The following KBTBD12 variants were observed in gnomAD, a reference collection of about 807,000 sequenced individuals.
KBTBD12 encodes kelch repeat and BTB domain containing 12, also known as kelch repeat and BTB domain-containing protein 12.
KBTBD12 carries 53 observed loss-of-function variants against 58.7 expected under a neutral mutation model. The ratio of observed to expected loss-of-function variants is 0.90; its 90% confidence interval spans 0.72 to 1.14. KBTBD12 has a LOEUF of 1.14. Ranked by LOEUF, KBTBD12 falls within the 50% of genes most tolerant of loss-of-function variation. KBTBD12 has a pLI of 0.00. For missense variants in KBTBD12, 704 were observed against 751.3 expected, an observed-to-expected ratio of 0.94 and a Z score of 0.74; for synonymous variants, 236 against 259.8, an observed-to-expected ratio of 0.91 and a Z score of 0.88.
rs927840019 is a variant in KBTBD12, at chr3:127,984,407, G to A, written c.*129G>A. 2.3e-6 allele frequency: 2 copies of A among 869,488 alleles called. No homozygotes were observed. The highest frequency in any genetic ancestry group is 3.5e-6 in the Non-Finnish European group (2 of 570,004). 53.9% of individuals were successfully genotyped at this position (869,488 alleles called of 1,614,324 possible). A position where few individuals can be genotyped will look rare whatever the true frequency, so the allele number is the denominator to read the frequency against. On this transcript the variant is annotated 3_prime_UTR_variant, in exon 6 of 6. Transcript: ENST00000405109. The stretch of plus-strand genomic sequence containing the variant: ...AGTGGCCTGTGTGTGAAGAAGCAGT[G>A]TGTGCTGGGCACTGGGTGGGGAGCA...
rs1283967498 is a variant in KBTBD12, at chr3:127,956,562, A to G, written c.1493-6627A>G. Among the ~76,000 whole-genome samples, 7 of 152,174 alleles carry G rather than the reference A, an allele frequency of 4.6e-5. No individual in the cohort carries two copies. The East Asian group carries it at 1.2e-3, about 25-fold the overall frequency. On this transcript the variant is annotated intron_variant, in intron 4 of 5. Coordinates refer to ENST00000405109, the MANE Select transcript of KBTBD12 (RefSeq NM_207335.4). ...TTTTAGATTGCTTAAATTAACTACAAGTTTAAAATGTGTTTGATTCTGAAA... is the reference window on the plus strand; with the variant it reads ...TTTTAGATTGCTTAAATTAACTACAGGTTTAAAATGTGTTTGATTCTGAAA...
chr3:127,915,789 C>T (rs1181017994), intron 1 of KBTBD12, among the ~76,000 whole-genome samples: 3 of 152,352 alleles, frequency 2.0e-5, no homozygotes, highest in South Asian at 2.1e-4. Context: ...CCATCTCTGC[C>T]GTCTCCGACC....
At chr3:127,924,192 A>G in intron 2 of KBTBD12, 61 bp downstream of exon 2, 1 of 1,021,274 alleles carries the variant, frequency 9.8e-7, no homozygotes, top group Non-Finnish European at 1.5e-6. Context: ...GCAGTAGAAG[A>G]AAGAACTGCA....
rs78073974 is a variant in KBTBD12 at position 127,947,682 on chromosome 3, G to A, written c.1493-15507G>A. On this transcript the variant is annotated intron_variant, in intron 4 of 5. Coordinates refer to ENST00000405109, the MANE Select transcript of KBTBD12 (RefSeq NM_207335.4). Reference sequence around the variant, plus strand: ...ATCAGTGCTTTTGAGGAGAAAGTTGGCCACATGTTTGAGGTTCCTCTGTGC... The same window carrying A: ...ATCAGTGCTTTTGAGGAGAAAGTTGACCACATGTTTGAGGTTCCTCTGTGC... 8.3e-3 allele frequency among the ~76,000 whole-genome samples: 1,267 copies of A among 152,234 alleles called. 16 individuals carry two copies. The highest frequency in any genetic ancestry group is 0.027 in the African/African-American group (1,132 of 41,554).
At chr3:127,930,570 T>C (rs1241510713) in intron 4 of KBTBD12, among the ~76,000 whole-genome samples, 2 of 152,184 alleles carry the variant, frequency 1.3e-5, no homozygotes, top group Admixed American at 1.3e-4. Flanking sequence ...TAATATACTT[T>C]GAAATAGGAA....
intron 4 of KBTBD12, among the ~76,000 whole-genome samples, chr3:127,955,242 C>T (rs920658697): frequency 2.6e-5 from 4 of 152,104 alleles, no homozygotes; most frequent in Non-Finnish European, 4.4e-5. Flanking sequence ...TTGAGTTTTC[C>T]CACATAGCTA....
At chr3:127,955,486 T>A (rs1940300916) in intron 4 of KBTBD12, among the ~76,000 whole-genome samples, 1 of 152,254 alleles carries the variant, frequency 6.6e-6, no homozygotes, top group Non-Finnish European at 1.5e-5. Context: ...GGTAAGATTT[T>A]ACCCTTTTCT....
intron 5 of KBTBD12, among the ~76,000 whole-genome samples, chr3:127,965,021 C>G (rs1228547546): frequency 2.0e-5 from 3 of 152,198 alleles, no homozygotes; most frequent in Non-Finnish European, 4.4e-5. Flanking sequence ...GCTGTGCCCA[C>G]TCATGCGGCA....
At chr3:127,947,994 T>A (rs1940121172) in intron 4 of KBTBD12, among the ~76,000 whole-genome samples, 1 of 152,238 alleles carries the variant, frequency 6.6e-6, no homozygotes, top group Non-Finnish European at 1.5e-5. Flanking sequence ...TTATGATCAC[T>A]GGCCTTCCAT....
chr3:127,918,897 G>A (rs1028421086), intron 1 of KBTBD12, among the ~76,000 whole-genome samples: 2 of 152,136 alleles, frequency 1.3e-5, no homozygotes, highest in Admixed American at 6.5e-5. Flanking sequence ...AAACAGGCCC[G>A]GGATATTTTT....
At chr3:127,918,478 C>T (rs145187177) in intron 1 of KBTBD12, among the ~76,000 whole-genome samples, 8,600 of 152,148 alleles carry the variant, frequency 0.057, 275 homozygotes, top group East Asian at 0.097. Context: ...TTTGGGAGGC[C>T]GAGGCGGGCA....
At chr3:127,972,526 G>A (rs1021450815) in intron 5 of KBTBD12, among the ~76,000 whole-genome samples, 1 of 152,168 alleles carries the variant, frequency 6.6e-6, no homozygotes. Context: ...AACATGTTTG[G>A]TTCCAGCCCT....
At chr3:127,948,165 C>T (rs1940124290) in intron 4 of KBTBD12, among the ~76,000 whole-genome samples, 1 of 152,190 alleles carries the variant, frequency 6.6e-6, no homozygotes, top group South Asian at 2.1e-4. Context: ...TACTAAGTAG[C>T]ATAGCAGTAA....
At chr3:127,940,493 T>G (rs1229797229) in intron 4 of KBTBD12, among the ~76,000 whole-genome samples, 1 of 152,094 alleles carries the variant, frequency 6.6e-6, no homozygotes. Flanking sequence ...AGACGAAATC[T>G]CAAGAGAAAT....
chr3:127,941,254 T>A (rs7623739), intron 4 of KBTBD12, among the ~76,000 whole-genome samples: 89,613 of 152,008 alleles, frequency 0.59, 27,471 homozygotes, highest in African/African-American at 0.76. Flanking sequence ...AATATCACTC[T>A]TAAACACAAA....
chr3:127,984,028 A>T (rs541313935), intron 5 of KBTBD12, 69 bp from the exon 6 acceptor site: 84 of 1,247,948 alleles, frequency 6.7e-5, no homozygotes, highest in Non-Finnish European at 9.5e-5. Context: ...GTTACTCAGT[A>T]TGGTGCTGAT....
intron 4 of KBTBD12, among the ~76,000 whole-genome samples, chr3:127,948,509 A>G (rs765802685): frequency 4.6e-5 from 7 of 152,270 alleles, no homozygotes. Context: ...ACTGGTTCAC[A>G]TTATGTAAGC....
At chr3:127,963,417 C>A in intron 5 of KBTBD12, 31 bp downstream of exon 5, 1 of 1,539,074 alleles carries the variant, frequency 6.5e-7, no homozygotes, top group South Asian at 1.2e-5. Flanking sequence ...ATTTTGTTAC[C>A]TCCTTTGGTG....
intron 4 of KBTBD12, among the ~76,000 whole-genome samples, chr3:127,956,506 G>GTACAAACAT (rs1940324020): frequency 6.6e-6 from 1 of 150,540 alleles, no homozygotes. Flanking sequence ...ATGACACCCA[G>GTACAAACAT]TACAAACATG....
Sources: gnomAD v4.1 joint callset for allele counts (sites outside exome capture counted in the v4.1 genomes callset) on GRCh38, gnomAD v4.1.1 for gene constraint, MANE v1.5 for transcripts, NCBI Gene and HGNC (gene_info 2026-07-23, HGNC 2026-07-21) for gene names.